WDR59: variants seen among roughly 807,000 people sequenced by gnomAD.
WDR59 encodes the protein GATOR2 complex protein WDR59.
A neutral mutation model predicts 131.2 loss-of-function variants in WDR59; 100 were observed. The observed-to-expected ratio is 0.76, with a 90% CI of 0.65 to 0.90. The LOEUF (loss-of-function observed/expected upper bound fraction) is 0.90, where lower values mean the gene tolerates loss of function less well. Among genes scored for constraint, WDR59 ranks in the 40% least tolerant of loss-of-function variants. The probability of loss-of-function intolerance (pLI) is 0.00; values close to 1 mark genes in which losing one functional copy is unlikely to be tolerated. For missense variants in WDR59, 1,203 were observed against 1,262.2 expected (o/e 0.95, Z 0.71); for synonymous variants, 601 against 466.2 (o/e 1.29, Z -3.72).
chr16:74,893,713 G>A lies in WDR59; in HGVS notation c.1966C>T (p.Leu656=), dbSNP rs1213973228. The stretch of plus-strand genomic sequence containing the variant: ...TCTCCCAGCGATTTGTGAACAGGCA[G>A]GAGGCAAGCAATATCCTGGATGATG... ...KVIIQDIACL[L]PVHKSLGELY... is the part of the protein sequence containing the mutation. The change falls in exon 19 of 26, where the codon CTG becomes TTG. Residue 656 remains leucine, a synonymous_variant. Transcript: ENST00000262144. The A allele has an allele frequency of 1.9e-6, 3 of 1,614,048 alleles. No individual in the cohort carries two copies. The highest frequency in any genetic ancestry group is 2.5e-6 in the Non-Finnish European group (3 of 1,180,032).
chr16:74,915,144 A>C (rs1966302017), intron 13 of WDR59, among the ~76,000 whole-genome samples: 1 of 152,140 alleles, frequency 6.6e-6, no homozygotes, highest in Non-Finnish European at 1.5e-5. Flanking sequence ...GGCACAGCCC[A>C]GCACAGCACA....
chr16:74,970,382 T>C (rs556005647), intron 1 of WDR59, among the ~76,000 whole-genome samples: 18 of 151,126 alleles, frequency 1.2e-4, no homozygotes, highest in African/African-American at 4.4e-4. Context: ...TCCCAAGACA[T>C]ACCTCCCCTA....
chr16:74,940,041 A>G (rs1447077398), intron 7 of WDR59, among the ~76,000 whole-genome samples: 3 of 152,096 alleles, frequency 2.0e-5, no homozygotes, highest in African/African-American at 7.2e-5. Context: ...AAATTTTGGC[A>G]GCAAATTTGC....
At chr16:74,983,116 G>A (rs1196821289) in intron 1 of WDR59, among the ~76,000 whole-genome samples, 1 of 152,186 alleles carries the variant, frequency 6.6e-6, no homozygotes, top group Non-Finnish European at 1.5e-5. Flanking sequence ...GCCAAAGTGG[G>A]AGAATCGCCT....
At chr16:74,903,888 T>G in intron 18 of WDR59, 59 bp downstream of exon 18, 2 of 1,551,432 alleles carry the variant, frequency 1.3e-6, no homozygotes, top group African/African-American at 1.4e-5. Context: ...AGGCAGGAGA[T>G]GAGGAACAAG....
intron 10 of WDR59, among the ~76,000 whole-genome samples, chr16:74,921,131 A>G (rs1457042973): frequency 6.6e-6 from 1 of 152,032 alleles, no homozygotes; most frequent in Non-Finnish European, 1.5e-5. Flanking sequence ...GTTCATGTGC[A>G]GGTTTGTTAC....
At chr16:74,886,852 G>A (rs533036645) in intron 23 of WDR59, among the ~76,000 whole-genome samples, 127 of 152,228 alleles carry the variant, frequency 8.3e-4, no homozygotes, top group African/African-American at 3.0e-3. Context: ...GAACCTGGGA[G>A]GCAGAGGGGG....
intron 21 of WDR59, among the ~76,000 whole-genome samples, 177 bp from the exon 22 acceptor site, chr16:74,888,496 G>A (rs1267630551): frequency 2.6e-5 from 4 of 152,196 alleles, no homozygotes; most frequent in African/African-American, 9.7e-5. Context: ...CCTACTTTGA[G>A]TTTGCCTAAA....
At position 74,907,732 on chromosome 16, in the gene WDR59, T is replaced by C. The variant is rs575914522; in HGVS notation, c.1712+1176A>G. On this transcript the variant is annotated intron_variant, in intron 17 of 25. Transcript: ENST00000262144. ...AGACTGCGGAACCAGAAGTCTACTG[T>C]ATAATCCTAAAGCTTTAAAAACCAG... 6.8e-4 allele frequency among the ~76,000 whole-genome samples: 104 copies of C among 152,312 alleles called. 1 individual carries two copies. Among genetic ancestry groups the C allele is most frequent in the African/African-American group, 2.4e-3 (100 of 41,564 alleles).
intron 3 of WDR59, among the ~76,000 whole-genome samples, chr16:74,955,709 G>A (rs555483266): frequency 6.6e-6 from 1 of 152,218 alleles, no homozygotes; most frequent in Admixed American, 6.5e-5. Context: ...TGCCTTTCCT[G>A]ACAAGAACAG....
intron 1 of WDR59, among the ~76,000 whole-genome samples, chr16:74,982,518 A>G (rs1250780011): frequency 6.6e-6 from 1 of 152,168 alleles, no homozygotes; most frequent in South Asian, 2.1e-4. Flanking sequence ...TTACATCTCT[A>G]TAAACAGGCA....
chr16:74,974,197 ATTAAAT>A (rs909832193), intron 1 of WDR59, among the ~76,000 whole-genome samples: 6 of 152,146 alleles, frequency 3.9e-5, no homozygotes, highest in South Asian at 2.1e-4. Flanking sequence ...CAATTGATTA[ATTAAAT>A]TTAATTAAAT....
intron 8 of WDR59, among the ~76,000 whole-genome samples, chr16:74,929,157 C>T (rs2031149244): frequency 6.6e-6 from 1 of 152,180 alleles, no homozygotes. Flanking sequence ...TCACGGCAAG[C>T]TCGTCCTCCC....
At chr16:74,918,064 C>G (rs1966479171) in intron 10 of WDR59, 56 bp from the exon 11 acceptor site, 1 of 1,546,012 alleles carries the variant, frequency 6.5e-7, no homozygotes, top group African/African-American at 1.4e-5. Flanking sequence ...CGTCTATTTG[C>G]TAGAGGTTGA....
At chr16:74,897,428 G>T (rs1965350501) in intron 18 of WDR59, among the ~76,000 whole-genome samples, 1 of 152,178 alleles carries the variant, frequency 6.6e-6, no homozygotes, top group Non-Finnish European at 1.5e-5. Flanking sequence ...ACAAAGATCG[G>T]TAGAAACAAA....
intron 21 of WDR59, 87 bp from the exon 22 acceptor site, chr16:74,888,406 A>G: frequency 1.5e-6 from 2 of 1,340,538 alleles, no homozygotes; most frequent in Non-Finnish European, 2.0e-6. Context: ...TTACTGCCAC[A>G]GGGGTGGGAA....
At position 74,956,481 on chromosome 16, in the gene WDR59, C is replaced by T. The variant is rs142883546; in HGVS notation, c.234G>A (p.Ala78=). The change falls in exon 3 of 26, where the codon GCG becomes GCA. Residue 78 remains alanine (A), a synonymous_variant. Coordinates refer to ENST00000262144, the MANE Select transcript of WDR59 (RefSeq NM_030581.4). ...ATTCCTTAAATAAGCTCACCGAAGC[C>T]GCAAAATAGTGTGCAAAGCTGTCAT... is the stretch of plus-strand genomic sequence containing the variant. ...NPHDSFAHYF[A]ASSNQRVDLY... is the part of the protein sequence containing the mutation. 21 of 1,612,902 alleles carry T rather than the reference C, an allele frequency of 1.3e-5. No homozygotes were observed. Among genetic ancestry groups the T allele is most frequent in the East Asian group, 2.2e-5 (1 of 44,874 alleles).
At chr16:74,967,184 T>C (rs139535237) in intron 1 of WDR59, among the ~76,000 whole-genome samples, 39 of 152,248 alleles carry the variant, frequency 2.6e-4, no homozygotes, top group Admixed American at 5.2e-4. Context: ...ACAAGTAACA[T>C]TGGGGACAAG....
At chr16:74,898,973 C>T (rs907133671) in intron 18 of WDR59, among the ~76,000 whole-genome samples, 1 of 152,168 alleles carries the variant, frequency 6.6e-6, no homozygotes, top group Non-Finnish European at 1.5e-5. Context: ...TAGGATGATT[C>T]CCCTGAATAT....
Sources: gnomAD v4.1 joint callset for allele counts (sites outside exome capture counted in the v4.1 genomes callset) on GRCh38, gnomAD v4.1.1 for gene constraint, MANE v1.5 for transcripts, NCBI Gene and HGNC (gene_info 2026-07-23, HGNC 2026-07-21) for gene names.